The following ANKRD13C variants were observed in gnomAD, a reference collection of about 807,000 sequenced individuals.
ANKRD13C encodes ankyrin repeat domain-containing protein 13C.
Under a neutral mutation model 65.5 loss-of-function variants are expected in ANKRD13C, and 16 were observed. The ratio of observed to expected loss-of-function variants is 0.24; its 90% CI spans 0.17 to 0.37. The LOEUF is 0.37. Ranked by LOEUF, ANKRD13C falls within the 10% of genes least tolerant of loss-of-function variation. The pLI is 1.00. For synonymous variants in ANKRD13C, 235 were observed against 238.7 expected, an observed-to-expected ratio of 0.98 and a Z score of 0.14; for missense variants, 503 against 655.9, an observed-to-expected ratio of 0.77 and a Z score of 2.55.
rs1190330390 is a variant in ANKRD13C at position 70,300,771 on chromosome 1, T to C, written c.914A>G (p.His305Arg). Residue 305 changes from histidine to arginine, a missense_variant, in exon 7 of 13, where the codon CAT becomes CGT. His to Arg is a conservative substitution (Grantham distance 29, BLOSUM62 0). Coordinates refer to ENST00000370944, the MANE Select transcript of ANKRD13C (RefSeq NM_030816.5). Reference protein sequence around the residue: ...DNEQKVYQRIHHEESEMETEE... With the variant: ...DNEQKVYQRIRHEESEMETEE... ...ATAAGACAACATGCTCACCTCATGA[T>C]GTATTCGCTGATAAACTTTTTGTTC... 4 of 1,607,762 alleles carry C rather than the reference T, an allele frequency of 2.5e-6. No individual in the cohort carries two copies. The highest frequency in any genetic ancestry group is 2.2e-5 in the East Asian group (1 of 44,768).
rs1207845306 is a variant in ANKRD13C, at chr1:70,261,812, A to G, written c.*905T>C. 3 of 152,552 alleles carry G rather than the reference A, an allele frequency of 2.0e-5. No homozygotes were observed. The highest frequency in any genetic ancestry group is 2.9e-5 in the Non-Finnish European group (2 of 67,960). The allele number at this position is 152,552 out of a possible 1,614,324, so 9.4% of individuals were successfully genotyped here. ...TATTCTACTAAAAACAAACAAAATA[A>G]TCAGACCGATGTGTACTTATTAGGA... On this transcript the variant is annotated 3_prime_UTR_variant, in exon 13 of 13. Coordinates refer to ENST00000370944, the MANE Select transcript of ANKRD13C (RefSeq NM_030816.5).
chr1:70,313,296 A>AGC (rs1299001405), intron 5 of ANKRD13C, among the ~76,000 whole-genome samples: 1 of 152,160 alleles, frequency 6.6e-6, no homozygotes, highest in Non-Finnish European at 1.5e-5. Flanking sequence ...TGAGAGGCCG[A>AGC]GGTAGGAGGA....
At chr1:70,266,995 CTGT>C (rs769131435) in intron 12 of ANKRD13C, among the ~76,000 whole-genome samples, 39 of 152,256 alleles carry the variant, frequency 2.6e-4, no homozygotes, top group Middle Eastern at 6.8e-3. Flanking sequence ...AATTTTCTGT[CTGT>C]TGTTATATCA....
At chr1:70,273,513 C>T (rs998408860) in intron 11 of ANKRD13C, among the ~76,000 whole-genome samples, 1 of 152,016 alleles carries the variant, frequency 6.6e-6, no homozygotes, top group Non-Finnish European at 1.5e-5. Flanking sequence ...ATGTTTACCA[C>T]AATATTGTTG....
chr1:70,322,016 T>C (rs951191551), intron 3 of ANKRD13C, among the ~76,000 whole-genome samples: 1 of 152,168 alleles, frequency 6.6e-6, no homozygotes, highest in African/African-American at 2.4e-5. Context: ...CTTAAGATAA[T>C]TTCAAAGTAC....
chr1:70,286,806 C>T (rs548156165), intron 9 of ANKRD13C, among the ~76,000 whole-genome samples: 1 of 152,014 alleles, frequency 6.6e-6, no homozygotes, highest in East Asian at 1.9e-4. Flanking sequence ...GCCAACATGG[C>T]GAAACCCTGT....
At chr1:70,279,779 A>G (rs1414754181) in intron 9 of ANKRD13C, among the ~76,000 whole-genome samples, 3 of 152,134 alleles carry the variant, frequency 2.0e-5, no homozygotes, top group Admixed American at 2.0e-4. Context: ...CTGGGATTAC[A>G]GGCATAAGCC....
At position 70,261,870 on chromosome 1, in the gene ANKRD13C, G is replaced by A. The variant is rs765839290; in HGVS notation, c.*847C>T. 1.3e-5 allele frequency: 2 copies of A among 151,776 alleles called. No homozygotes were observed. The highest frequency in any genetic ancestry group is 2.9e-5 in the Non-Finnish European group (2 of 67,852). The allele number at this position is 151,776 out of a possible 1,614,324, so 9.4% of individuals were successfully genotyped here. A position where few individuals can be genotyped will look rare whatever the true frequency, so the allele number is the denominator to read the frequency against. On this transcript the variant is annotated 3_prime_UTR_variant, in exon 13 of 13. Transcript: ENST00000370944. Reference sequence around the variant, plus strand: ...TTAAAAATTTGGATTTTTTTTTAAAGTGCTGAGATTTGGAAGAGGAATATC... The same window carrying A: ...TTAAAAATTTGGATTTTTTTTTAAAATGCTGAGATTTGGAAGAGGAATATC...
chr1:70,337,391 C>T (rs1485889349), intron 1 of ANKRD13C, among the ~76,000 whole-genome samples: 2 of 151,848 alleles, frequency 1.3e-5, no homozygotes, highest in Non-Finnish European at 2.9e-5. Context: ...ACCAGCCTGG[C>T]CAACATGGTG....
Position 70,261,666 on chromosome 1 carries a change from A to C in ANKRD13C, c.*1051T>G, listed in dbSNP as rs1023713632. On this transcript the variant is annotated 3_prime_UTR_variant, in exon 13 of 13. Coordinates refer to ENST00000370944, the MANE Select transcript of ANKRD13C (RefSeq NM_030816.5). ...ATCTTGTGTATACTTCTGGACTTTA[A>C]CTTGTAACAAATATATTCTGTTAGC... 6.6e-6 allele frequency: 1 copy of C among 152,526 alleles called. No homozygotes were observed. The highest frequency in any genetic ancestry group is 1.5e-5 in the Non-Finnish European group (1 of 67,942). The allele number at this position is 152,526 out of a possible 1,614,324, so 9.4% of individuals were successfully genotyped here. A position where few individuals can be genotyped will look rare whatever the true frequency, so the allele number is the denominator to read the frequency against.
At chr1:70,337,970 A>C (rs1682123652) in intron 1 of ANKRD13C, among the ~76,000 whole-genome samples, 2 of 151,708 alleles carry the variant, frequency 1.3e-5, no homozygotes, top group Non-Finnish European at 2.9e-5. Flanking sequence ...GTGGTGGCGC[A>C]TGCCTGTAAT....
rs1437517754 is a variant in ANKRD13C at position 70,259,953 on chromosome 1, C to CT, written c.*2763dup. On this transcript the variant is annotated 3_prime_UTR_variant, in exon 13 of 13. Transcript: ENST00000370944. ...TCCTTTCATGGCCTGGAAACAGGAT[C>CT]TTTGTCTTCTGCAGACTTAGGGAAA... is the stretch of plus-strand genomic sequence containing the variant. 6.6e-6 allele frequency among the ~76,000 whole-genome samples: 1 copy of CT among 152,098 alleles called. No individual in the cohort carries two copies. The highest frequency in any genetic ancestry group is 1.9e-4 in the East Asian group (1 of 5,186).
intron 2 of ANKRD13C, among the ~76,000 whole-genome samples, chr1:70,325,951 G>A (rs933268247): frequency 1.1e-4 from 17 of 151,850 alleles, no homozygotes; most frequent in East Asian, 1.9e-4. Context: ...TGAGGCCCAC[G>A]CCGGGCACAG....
intron 9 of ANKRD13C, among the ~76,000 whole-genome samples, chr1:70,289,645 T>C (rs894014572): frequency 5.3e-5 from 8 of 151,272 alleles, no homozygotes; most frequent in African/African-American, 1.9e-4. Flanking sequence ...TTTTTTTTTT[T>C]TTTTGTATTT....
chr1:70,274,485 A>G (rs1473928920), intron 11 of ANKRD13C, among the ~76,000 whole-genome samples: 5 of 150,168 alleles, frequency 3.3e-5, no homozygotes, highest in South Asian at 2.1e-4. Context: ...AAAAAAAAAA[A>G]AAAAAAAAAA....
At chr1:70,264,119 A>AT (rs1297772821) in intron 12 of ANKRD13C, among the ~76,000 whole-genome samples, 11 of 152,200 alleles carry the variant, frequency 7.2e-5, no homozygotes, top group Non-Finnish European at 1.3e-4. Context: ...GGTAGGGCCC[A>AT]TAAGCTAAGA....
chr1:70,351,358 T>C (rs530400749), intron 1 of ANKRD13C, among the ~76,000 whole-genome samples: 1 of 152,348 alleles, frequency 6.6e-6, no homozygotes, highest in East Asian at 1.9e-4. Flanking sequence ...GCATTTATGT[T>C]AAAGCAATCC....
chr1:70,305,534 A>G (rs916546068), intron 6 of ANKRD13C, among the ~76,000 whole-genome samples: 15 of 152,070 alleles, frequency 9.9e-5, no homozygotes, highest in African/African-American at 2.7e-4. Flanking sequence ...TAAATATACC[A>G]ATATATGCAC....
chr1:70,292,744 C>T (rs758479283), intron 8 of ANKRD13C, among the ~76,000 whole-genome samples, 195 bp from the exon 9 acceptor site: 11 of 152,140 alleles, frequency 7.2e-5, no homozygotes, highest in Non-Finnish European at 1.5e-4. Flanking sequence ...GAAAAATACA[C>T]AAAAGCATAC....
Sources: gnomAD v4.1 joint callset for allele counts (sites outside exome capture counted in the v4.1 genomes callset) on GRCh38, gnomAD v4.1.1 for gene constraint, MANE v1.5 for transcripts, NCBI Gene and HGNC (gene_info 2026-07-23, HGNC 2026-07-21) for gene names.